The following SLC32A1 variants were observed in gnomAD, a reference collection of about 807,000 sequenced individuals.
SLC32A1 encodes the protein vesicular inhibitory amino acid transporter.
A neutral mutation model predicts 35.5 loss-of-function variants in SLC32A1; 8 were observed. The observed-to-expected ratio is 0.23, with a 90% CI of 0.13 to 0.41. The LOEUF is 0.41. Ranked by LOEUF, SLC32A1 falls within the 10% of genes least tolerant of loss-of-function variation. The pLI, the probability that SLC32A1 is intolerant of heterozygous loss-of-function variation, is 1.00. For missense variants in SLC32A1, 493 were observed against 722.3 expected, an observed-to-expected ratio of 0.68 and a Z score of 3.64; for synonymous variants, 317 against 326.3, an observed-to-expected ratio of 0.97 and a Z score of 0.31.
rs906292777 is a variant in SLC32A1 at position 38,726,659 on chromosome 20, T to C, written c.391-793T>C. ...TGGCGCCTTCCCGCCAAGCTCCTCCTCCTGCTTGCCTCCCCAGCCTCCACT... is the reference window on the plus strand; with the variant it reads ...TGGCGCCTTCCCGCCAAGCTCCTCCCCCTGCTTGCCTCCCCAGCCTCCACT... On this transcript the variant is annotated intron_variant, in intron 1 of 1. Coordinates refer to ENST00000217420, the MANE Select transcript of SLC32A1 (RefSeq NM_080552.3). This position sits in a 1 kb window ranked among gnomAD's most constrained non-coding sequence, Gnocchi z 4.7. Among the ~76,000 whole-genome samples, 4 of 152,134 alleles carry C rather than the reference T, an allele frequency of 2.6e-5. No homozygotes were observed.
rs1344798858 is a variant in SLC32A1 at position 38,726,041 on chromosome 20, C to T, written c.390+927C>T. 1.3e-5 allele frequency among the ~76,000 whole-genome samples: 2 copies of T among 152,202 alleles called. No homozygotes were observed. The highest frequency in any genetic ancestry group is 4.8e-5 in the African/African-American group (2 of 41,446). ...GGCCCCTGCTCTCTAGGCCCTCTCC[C>T]CTTATTCCTAACCCCCCACTCCCCA... On this transcript the variant is annotated intron_variant, in intron 1 of 1. Coordinates refer to ENST00000217420, the MANE Select transcript of SLC32A1 (RefSeq NM_080552.3). The surrounding 1 kb of genome is among the most constrained non-coding windows in gnomAD (Gnocchi z 4.7).
chr20:38,724,847 G>C lies in SLC32A1; in HGVS notation c.123G>C (p.Ala41=). 1 of 1,613,952 alleles carries C rather than the reference G, an allele frequency of 6.2e-7. No individual in the cohort carries two copies. Among genetic ancestry groups the C allele is most frequent in the Non-Finnish European group, 8.5e-7 (1 of 1,179,998 alleles). ...MGFQAATDEE[A]VGFAHCDDLD... ...TTCAGGCGGCCACGGATGAGGAGGC[G>C]GTGGGCTTCGCGCATTGCGACGACC... The change falls in exon 1 of 2, where the codon GCG becomes GCC. Residue 41 remains alanine, a synonymous_variant. Transcript: ENST00000217420.
In SLC32A1 at chr20:38,725,033, AGGT is replaced by A. The variant is rs1444828336; in HGVS notation, c.315_317del (p.Gly106del). ...CCTCCGGCTCCAAGGACCAGGTGGGAGGTGGTGGCGAATTCGGGGGCCACGACA... is the reference window on the plus strand; with the variant it reads ...CCTCCGGCTCCAAGGACCAGGTGGGAGGTGGCGAATTCGGGGGCCACGACA... On this transcript the variant is annotated inframe_deletion, in exon 1 of 2. Coordinates refer to ENST00000217420, the MANE Select transcript of SLC32A1 (RefSeq NM_080552.3). The A allele has an allele frequency of 2.6e-6, 4 of 1,541,178 alleles. No homozygotes were observed. In the African/African-American group the frequency reaches 5.5e-5, roughly 21 times the overall value.
intron 1 of SLC32A1, 71 bp from the exon 2 acceptor site, chr20:38,727,381 C>T (rs2084280445): frequency 1.4e-6 from 2 of 1,454,868 alleles, no homozygotes; most frequent in East Asian, 2.3e-5. Flanking sequence ...CGTTAAGCCA[C>T]GCCCCCCGGG....
Position 38,728,680 on chromosome 20 carries a change from C to A in SLC32A1, c.*41C>A. 2 of 1,522,662 alleles carry A rather than the reference C, an allele frequency of 1.3e-6. No homozygotes were observed. Among genetic ancestry groups the A allele is most frequent in the South Asian group, 2.5e-5 (2 of 81,306 alleles). The allele number at this position is 1,522,662 out of a possible 1,614,324, so 94.3% of individuals were successfully genotyped here. ...CCCCGCCGCGCTTCTGCGCTCTCTC[C>A]CTTCTCCCCTCACCCCGCCCCCACC... On this transcript the variant is annotated 3_prime_UTR_variant, in exon 2 of 2. Coordinates refer to ENST00000217420, the MANE Select transcript of SLC32A1 (RefSeq NM_080552.3).
rs752119381 is a variant in SLC32A1 at position 38,728,441 on chromosome 20, C to A, written c.1380C>A (p.Thr460=). The A allele has an allele frequency of 5.0e-6, 8 of 1,611,908 alleles. No homozygotes were observed. Among genetic ancestry groups the A allele is most frequent in the East Asian group, 2.2e-5 (1 of 44,880 alleles). Residue 460 remains threonine (T), a synonymous_variant, in exon 2 of 2, where the codon ACC becomes ACA. Transcript: ENST00000217420. ...ACTTCGCGCTGCTCATGGGCCTCAC[C>A]GGCAGCCTCACGGGCGCCGGCCTCT... ...VPHFALLMGL[T]GSLTGAGLCF... is the part of the protein sequence containing the mutation.
Position 38,724,788 on chromosome 20 carries a change from G to C in SLC32A1, c.64G>C (p.Ala22Pro). The change falls in exon 1 of 2, where the codon GCC becomes CCC. Residue 22 changes from alanine to proline, a missense_variant. By Grantham distance (27) the Ala-to-Pro change is conservative (BLOSUM62 -1). This residue lies in a region of SLC32A1 where 133 missense variants were observed against 145.9 expected (regional missense o/e 0.91). Coordinates refer to ENST00000217420, the MANE Select transcript of SLC32A1 (RefSeq NM_080552.3). ...VATSVSNKSQ[A>P]KMSGMFARMG... ...CACGTCCGTGTCCAACAAGTCCCAG[G>C]CCAAGATGAGCGGCATGTTCGCCAG... 6.2e-7 allele frequency: 1 copy of C among 1,613,916 alleles called. No homozygotes were observed. The highest frequency in any genetic ancestry group is 8.5e-7 in the Non-Finnish European group (1 of 1,180,028).
Position 38,724,909 on chromosome 20 carries a change from T to C in SLC32A1, c.185T>C (p.Ile62Thr). 1 of 1,613,852 alleles carries C rather than the reference T, an allele frequency of 6.2e-7. No individual in the cohort carries two copies. The highest frequency in any genetic ancestry group is 8.5e-7 in the Non-Finnish European group (1 of 1,179,916). ...FEHRQGLQMD[I>T]LKAEGEPCGD... Reference sequence around the variant, plus strand: ...CACCGCCAGGGCCTGCAGATGGACATCCTGAAAGCCGAGGGAGAGCCCTGC... The same window carrying C: ...CACCGCCAGGGCCTGCAGATGGACACCCTGAAAGCCGAGGGAGAGCCCTGC... The change falls in exon 1 of 2, where the codon ATC (isoleucine) becomes ACC (threonine). Residue 62 changes from isoleucine to threonine, a missense_variant. This residue lies in a region of SLC32A1 where 133 missense variants were observed against 145.9 expected (regional missense o/e 0.91). Coordinates refer to ENST00000217420, the MANE Select transcript of SLC32A1 (RefSeq NM_080552.3).
Position 38,728,531 on chromosome 20 carries a change from C to T in SLC32A1, c.1470C>T (p.Val490=). ...GGCGCAAGCTGCTGTGGCACCAAGT[C>T]TTCTTCGACGTCGCCATCTTCGTCA... ...LLWRKLLWHQ[V]FFDVAIFVIG... Residue 490 remains valine, a synonymous_variant, in exon 2 of 2, where the codon GTC becomes GTT. Transcript: ENST00000217420. 1.9e-6 allele frequency: 3 copies of T among 1,613,598 alleles called. No homozygotes were observed. Among genetic ancestry groups the T allele is most frequent in the Non-Finnish European group, 2.5e-6 (3 of 1,179,968 alleles).
Position 38,728,094 on chromosome 20 carries a change from A to C in SLC32A1, c.1033A>C (p.Ile345Leu), listed in dbSNP as rs2084284977. 1 of 1,613,910 alleles carries C rather than the reference A, an allele frequency of 6.2e-7. No individual in the cohort carries two copies. The highest frequency in any genetic ancestry group is 1.3e-5 in the African/African-American group (1 of 74,916). The change falls in exon 2 of 2, where the codon ATC becomes CTC. Residue 345 changes from isoleucine (I) to leucine (L), a missense_variant. Ile to Leu is a conservative substitution (Grantham distance 5). Coordinates refer to ENST00000217420, the MANE Select transcript of SLC32A1 (RefSeq NM_080552.3). ...CCACTGCATGATGAACTGGACGCAC[A>C]TCGCAGCCTGCGTGCTCAAGGGCCT... ...EFHCMMNWTH[I>L]AACVLKGLFA... is the part of the protein sequence containing the mutation.
chr20:38,725,891 G>T (rs1038354389), intron 1 of SLC32A1, among the ~76,000 whole-genome samples: 1 of 152,152 alleles, frequency 6.6e-6, no homozygotes, highest in Non-Finnish European at 1.5e-5. Flanking sequence ...CATTTAGTCC[G>T]CAATAATCCA....
rs1568628851 is a variant in SLC32A1, at chr20:38,728,976, G to A, written c.*337G>A. 2 of 283,270 alleles carry A rather than the reference G, an allele frequency of 7.1e-6. No homozygotes were observed. Among genetic ancestry groups the A allele is most frequent in the Non-Finnish European group, 1.3e-5 (2 of 150,816 alleles). The allele number at this position is 283,270 out of a possible 1,614,324, so 17.5% of individuals were successfully genotyped here. On this transcript the variant is annotated 3_prime_UTR_variant, in exon 2 of 2. Transcript: ENST00000217420. ...GGGGTTGGGAAGGGAGGGAGAGGGGGCGCAGCTCGCAGGCGTGGCAACTTG... is the reference window on the plus strand; with the variant it reads ...GGGGTTGGGAAGGGAGGGAGAGGGGACGCAGCTCGCAGGCGTGGCAACTTG...
In SLC32A1 at chr20:38,728,773, A is replaced by G; in HGVS notation, c.*134A>G. 1 of 340,762 alleles carries G rather than the reference A, an allele frequency of 2.9e-6. No homozygotes were observed. Among genetic ancestry groups the G allele is most frequent in the Non-Finnish European group, 5.6e-6 (1 of 179,852 alleles). 21.1% of individuals were successfully genotyped at this position (340,762 alleles called of 1,614,324 possible). On this transcript the variant is annotated 3_prime_UTR_variant, in exon 2 of 2. Transcript: ENST00000217420. ...AAACATCTCTGGTTCCTAGTTTCTG[A>G]TTATTCGGGGATGGGGGGGATGGGA...
Position 38,727,453 on chromosome 20 carries a change from G to C in SLC32A1, c.392G>C (p.Gly131Ala). ...AGWNVTNAIQGMFVLGLPYAI... is the reference protein window; with the variant it reads ...AGWNVTNAIQAMFVLGLPYAI... ...TCTGGTTGCCTCTCCGCCCCACAGG[G>C]CATGTTCGTGCTGGGCCTACCCTAC... The change falls in exon 2 of 2, where the codon GGC (glycine) becomes GCC (alanine). Residue 131 changes from glycine to alanine, a missense_variant and splice_region_variant. Transcript: ENST00000217420. 1 of 1,606,966 alleles carries C rather than the reference G, an allele frequency of 6.2e-7. No individual in the cohort carries two copies. Among genetic ancestry groups the C allele is most frequent in the Non-Finnish European group, 8.5e-7 (1 of 1,178,886 alleles).
chr20:38,724,886 C>G lies in SLC32A1; in HGVS notation c.162C>G (p.His54Gln). The change falls in exon 1 of 2, where the codon CAC (histidine) becomes CAG (glutamine). Residue 54 changes from histidine to glutamine, a missense_variant. By Grantham distance (24) the His-to-Gln change is conservative (BLOSUM62 0). Coordinates refer to ENST00000217420, the MANE Select transcript of SLC32A1 (RefSeq NM_080552.3). ...FAHCDDLDFE[H>Q]RQGLQMDILK... is the part of the protein sequence containing the mutation. ...ATTGCGACGACCTCGACTTTGAGCA[C>G]CGCCAGGGCCTGCAGATGGACATCC... 6.2e-7 allele frequency: 1 copy of G among 1,614,004 alleles called. No individual in the cohort carries two copies. The highest frequency in any genetic ancestry group is 1.7e-5 in the Admixed American group (1 of 60,030).
Position 38,728,394 on chromosome 20 carries a change from C to T in SLC32A1, c.1333C>T (p.Leu445Phe), listed in dbSNP as rs1276643179. ...LRCALVVFTL[L>F]MAIYVPHFAL... is the part of the protein sequence containing the mutation. ...CTGCGCGCTCGTCGTCTTCACGCTG[C>T]TCATGGCCATTTATGTGCCGCACTT... The change falls in exon 2 of 2, where the codon CTC becomes TTC. Residue 445 changes from leucine (L) to phenylalanine (F), a missense_variant. This residue lies in a region of SLC32A1 where 269 missense variants were observed against 445.6 expected (regional missense o/e 0.60). Coordinates refer to ENST00000217420, the MANE Select transcript of SLC32A1 (RefSeq NM_080552.3). The T allele has an allele frequency of 1.9e-6, 3 of 1,610,928 alleles. No individual in the cohort carries two copies. The highest frequency in any genetic ancestry group is 2.5e-6 in the Non-Finnish European group (3 of 1,179,004).
At chr20:38,725,566 A>T (rs2084272431) in intron 1 of SLC32A1, among the ~76,000 whole-genome samples, 1 of 152,064 alleles carries the variant, frequency 6.6e-6, no homozygotes. Flanking sequence ...AGACACGCAC[A>T]CGTATATAGG....
In SLC32A1 at chr20:38,724,955, G is replaced by C. The variant is rs764275879; in HGVS notation, c.231G>C (p.Ala77=). ...GEPCGDEGAE[A]PVEGDIHYQR... is the part of the protein sequence containing the mutation. ...CCTGCGGGGACGAGGGCGCTGAAGC[G>C]CCCGTCGAGGGAGACATCCATTATC... Residue 77 remains alanine, a synonymous_variant, in exon 1 of 2, where the codon GCG becomes GCC. Coordinates refer to ENST00000217420, the MANE Select transcript of SLC32A1 (RefSeq NM_080552.3). 1.9e-6 allele frequency: 3 copies of C among 1,606,104 alleles called. No individual in the cohort carries two copies. The highest frequency in any genetic ancestry group is 3.3e-4 in the Middle Eastern group (2 of 6,014).
Position 38,725,007 on chromosome 20 carries a change from C to A in SLC32A1, c.283C>A (p.Pro95Thr), listed in dbSNP as rs2084269319. Residue 95 changes from proline to threonine, a missense_variant, in exon 1 of 2, where the codon CCC becomes ACC. Pro to Thr is a conservative substitution (Grantham distance 38, BLOSUM62 -1). Transcript: ENST00000217420. ...GCGAGGCAGCGGAGCTCCTCTGCCGCCCTCCGGCTCCAAGGACCAGGTGGG... is the reference window on the plus strand; with the variant it reads ...GCGAGGCAGCGGAGCTCCTCTGCCGACCTCCGGCTCCAAGGACCAGGTGGG... The part of the protein sequence containing the change: ...YQRGSGAPLP[P>T]SGSKDQVGGG... 6.4e-7 allele frequency: 1 copy of A among 1,570,698 alleles called. No individual in the cohort carries two copies. Among genetic ancestry groups the A allele is most frequent in the African/African-American group, 1.4e-5 (1 of 73,356 alleles).
Sources: allele counts gnomAD v4.1 joint callset (sites outside exome capture counted in the v4.1 genomes callset), GRCh38; gene constraint gnomAD v4.1.1; regional missense constraint gnomAD v4.1.1; non-coding constraint Gnocchi (gnomAD v3.1); transcripts MANE v1.5; gene names NCBI Gene and HGNC (gene_info 2026-07-23, HGNC 2026-07-21).